The following NMT2 variants were observed in gnomAD, a reference collection of about 807,000 sequenced individuals.
NMT2 encodes the protein N-myristoyltransferase 2, also known as glycylpeptide N-tetradecanoyltransferase 2.
NMT2 carries 35 observed loss-of-function variants against 65.4 expected under a neutral mutation model. That is an observed-to-expected ratio of 0.54 (90% confidence interval 0.41 to 0.71). The LOEUF is 0.71. Among genes scored for constraint, NMT2 ranks in the 30% least tolerant of loss-of-function variants. NMT2 has a pLI of 0.00. For missense variants in NMT2, 489 were observed against 611.3 expected (o/e 0.80, Z 2.11); for synonymous variants, 226 against 231.8 (o/e 0.98, Z 0.23).
intron 1 of NMT2, among the ~76,000 whole-genome samples, chr10:15,145,798 G>A (rs910788856): frequency 6.6e-6 from 1 of 152,202 alleles, no homozygotes; most frequent in Non-Finnish European, 1.5e-5. Context: ...TATGGCCAGA[G>A]CAGATCAGGA....
chr10:15,168,226 G>T, intron 1 of NMT2: 1 of 318,572 alleles, frequency 3.1e-6, no homozygotes, highest in Non-Finnish European at 5.7e-6. Context: ...CGGCGGGGAT[G>T]GGCGAGGCTG....
chr10:15,165,098 G>A lies in NMT2; in HGVS notation c.110+3405C>T, dbSNP rs538939972. On this transcript the variant is annotated intron_variant, in intron 1 of 11. Coordinates refer to ENST00000378165, the MANE Select transcript of NMT2 (RefSeq NM_004808.3). ...GAATTGCTTGAACCCGGGAGGTGGA[G>A]GTTGCAGTGCGCCAAGATCGTACTA... 5.4e-3 allele frequency among the ~76,000 whole-genome samples: 815 copies of A among 151,874 alleles called. 7 individuals are homozygous for A. Among genetic ancestry groups the A allele is most frequent in the Middle Eastern group, 0.017 (5 of 294 alleles).
At chr10:15,130,077 AAC>A (rs1846223151) in intron 7 of NMT2, 63 bp downstream of exon 7, 5 of 1,248,652 alleles carry the variant, frequency 4.0e-6, no homozygotes, top group Non-Finnish European at 4.2e-6. Flanking sequence ...CATCTAGCAG[AAC>A]AGTGGTGAGG....
chr10:15,167,991 G>A (rs145619505), intron 1 of NMT2, among the ~76,000 whole-genome samples: 254 of 152,240 alleles, frequency 1.7e-3, no homozygotes, highest in African/African-American at 5.9e-3. Context: ...CGACACCATC[G>A]GGGCACCTCC....
At chr10:15,141,191 G>C (rs1325067635) in intron 2 of NMT2, 1 of 811,856 alleles carries the variant, frequency 1.2e-6, no homozygotes, top group African/African-American at 1.7e-5. Context: ...CTGAGAAAAG[G>C]GAAAAACACA....
intron 1 of NMT2, among the ~76,000 whole-genome samples, chr10:15,161,169 G>A (rs1044109831): frequency 6.7e-6 from 1 of 148,744 alleles, no homozygotes; most frequent in African/African-American, 2.5e-5. Flanking sequence ...CGTTTATGGA[G>A]TTTCAAGGAA....
In NMT2 at chr10:15,107,614, G is replaced by T; in HGVS notation, c.*1581C>A. ...TTACAGGCACCCGCCACCACACCCA[G>T]CTAGTTCTTTTTGAATTTTTAGTAG... On this transcript the variant is annotated 3_prime_UTR_variant, in exon 12 of 12. Transcript: ENST00000378165. The T allele has an allele frequency of 2.3e-6, 1 of 430,526 alleles. No homozygotes were observed. The highest frequency in any genetic ancestry group is 3.1e-6 in the Non-Finnish European group (1 of 323,312). 26.7% of individuals were successfully genotyped at this position (430,526 alleles called of 1,614,324 possible). A position where few individuals can be genotyped will look rare whatever the true frequency, so the allele number is the denominator to read the frequency against.
intron 1 of NMT2, among the ~76,000 whole-genome samples, chr10:15,143,700 A>G (rs1450594631): frequency 6.6e-6 from 1 of 152,130 alleles, no homozygotes; most frequent in African/African-American, 2.4e-5. Flanking sequence ...TGTCCCCATA[A>G]AAAGTAAAAA....
chr10:15,122,422 T>G (rs1472444805), intron 8 of NMT2, among the ~76,000 whole-genome samples: 1 of 151,488 alleles, frequency 6.6e-6, no homozygotes, highest in Non-Finnish European at 1.5e-5. Flanking sequence ...CCTTTTACAC[T>G]CTTTTTTTTT....
intron 1 of NMT2, among the ~76,000 whole-genome samples, chr10:15,148,880 TAAC>T (rs1288559466): frequency 1.3e-5 from 2 of 152,084 alleles, no homozygotes; most frequent in African/African-American, 4.8e-5. Context: ...GAGGCAGACT[TAAC>T]AACCAATAAG....
chr10:15,154,770 T>C, intron 1 of NMT2: 1 of 675,220 alleles, frequency 1.5e-6, no homozygotes, highest in Non-Finnish European at 2.7e-6. Flanking sequence ...AATGGTCTGG[T>C]GGTTAAGATA....
intron 8 of NMT2, among the ~76,000 whole-genome samples, chr10:15,124,411 T>G (rs745565199): frequency 4.6e-5 from 7 of 152,188 alleles, no homozygotes; most frequent in Non-Finnish European, 7.3e-5. Context: ...TTCTGTGCTA[T>G]GGGGATAAGG....
intron 2 of NMT2, chr10:15,138,351 A>G (rs776787911): frequency 6.4e-6 from 3 of 471,004 alleles, no homozygotes; most frequent in Non-Finnish European, 1.3e-5. Context: ...AATAAACACA[A>G]TTTCCAAATC....
intron 2 of NMT2, chr10:15,140,915 T>A: frequency 7.4e-7 from 1 of 1,352,832 alleles, no homozygotes; most frequent in Non-Finnish European, 1.0e-6. Context: ...AGGAACTATT[T>A]CCCACCCTTG....
At chr10:15,136,677 C>T (rs74125525) in intron 2 of NMT2, among the ~76,000 whole-genome samples, 1 of 152,154 alleles carries the variant, frequency 6.6e-6, no homozygotes, top group Non-Finnish European at 1.5e-5. Flanking sequence ...GCAATTTCCT[C>T]TGTACTTCAG....
intron 2 of NMT2, among the ~76,000 whole-genome samples, chr10:15,138,991 C>G (rs991765624): frequency 2.6e-5 from 4 of 151,986 alleles, no homozygotes; most frequent in African/African-American, 9.7e-5. Flanking sequence ...AAATGCAGAC[C>G]CACCCTTAAT....
At chr10:15,151,739 A>G (rs1048166799) in intron 1 of NMT2, among the ~76,000 whole-genome samples, 5 of 152,172 alleles carry the variant, frequency 3.3e-5, no homozygotes, top group Admixed American at 2.6e-4. Context: ...AGAGAAAAAA[A>G]GTTGGCTGGG....
At chr10:15,125,691 G>A (rs1846051613) in intron 8 of NMT2, among the ~76,000 whole-genome samples, 1 of 152,084 alleles carries the variant, frequency 6.6e-6, no homozygotes, top group Non-Finnish European at 1.5e-5. Context: ...TTTATGAGAT[G>A]GAGTCTCGCT....
In NMT2 at chr10:15,141,270, A is replaced by G. The variant is rs568433291; in HGVS notation, c.246+152T>C. The G allele has an allele frequency of 7.7e-5, 81 of 1,047,436 alleles. No homozygotes were observed. In the African/African-American group the frequency reaches 1.2e-3, roughly 15 times the overall value. 64.9% of individuals were successfully genotyped at this position (1,047,436 alleles called of 1,614,324 possible). A position where few individuals can be genotyped will look rare whatever the true frequency, so the allele number is the denominator to read the frequency against. On this transcript the variant is annotated intron_variant, in intron 2 of 11. Coordinates refer to ENST00000378165, the MANE Select transcript of NMT2 (RefSeq NM_004808.3). The stretch of plus-strand genomic sequence containing the variant: ...TATTTGGGTGCCAAAGTCCATTTTA[A>G]GGAGGCTGTCAAGAGCTTCCAGTTA...
Sources: allele counts gnomAD v4.1 joint callset (sites outside exome capture counted in the v4.1 genomes callset), GRCh38; gene constraint gnomAD v4.1.1; transcripts MANE v1.5; gene names NCBI Gene and HGNC (gene_info 2026-07-23, HGNC 2026-07-21).